BNC2: variants seen among roughly 807,000 people sequenced by gnomAD.
BNC2 encodes basonuclin zinc finger protein 2.
BNC2 carries 20 observed loss-of-function variants against 76.3 expected under a neutral mutation model. That is an observed-to-expected ratio of 0.26 (90% CI 0.18 to 0.38). The LOEUF (loss-of-function observed/expected upper bound fraction) is 0.38. BNC2 is among the 10% of genes least tolerant of loss of function. The pLI, the probability that BNC2 is intolerant of heterozygous loss-of-function variation, is 1.00. For synonymous variants in BNC2, 582 were observed against 514.8 expected (o/e 1.13, Z -1.77); for missense variants, 1,382 against 1,399.8 (o/e 0.99, Z 0.20).
At chr9:16,450,219 T>A (rs575325814) in intron 5 of BNC2, among the ~76,000 whole-genome samples, 1 of 152,336 alleles carries the variant, frequency 6.6e-6, no homozygotes, top group Non-Finnish European at 1.5e-5. Flanking sequence ...CACTGCTGCA[T>A]CACAGTGACC....
chr9:16,578,403 A>C (rs1819544201), intron 4 of BNC2, among the ~76,000 whole-genome samples: 1 of 152,184 alleles, frequency 6.6e-6, no homozygotes, highest in African/African-American at 2.4e-5. Flanking sequence ...AGCAGTCCTC[A>C]ACCTTTACAT....
intron 2 of BNC2, among the ~76,000 whole-genome samples, chr9:16,731,826 CT>C (rs1266115722): frequency 6.6e-6 from 1 of 152,146 alleles, no homozygotes; most frequent in African/African-American, 2.4e-5. Context: ...CATATATATT[CT>C]AAACCTGTGC....
intron 1 of BNC2, among the ~76,000 whole-genome samples, chr9:16,755,441 A>T (rs1472294600): frequency 1.3e-5 from 2 of 152,214 alleles, no homozygotes; most frequent in Non-Finnish European, 2.9e-5. Flanking sequence ...CAGGAAAAGT[A>T]GTCAAAAGAT....
rs777323674 is a variant in BNC2, at chr9:16,437,249, G to T, written c.945C>A (p.Ile315=). 15 of 1,614,026 alleles carry T rather than the reference G, an allele frequency of 9.3e-6. No individual in the cohort carries two copies. The Admixed American group carries it at 2.3e-4, about 25-fold the overall frequency. ...NPSSIHHFEN[I]PNSLAFLLPF... The stretch of plus-strand genomic sequence containing the variant: ...GAAGCAGAAATGCAAGGCTGTTTGG[G>T]ATGTTTTCGAAGTGATGAATGCTGG... The change falls in exon 6 of 7, where the codon ATC becomes ATA. Residue 315 remains isoleucine (I), a synonymous_variant. Transcript: ENST00000380672.
intron 3 of BNC2, among the ~76,000 whole-genome samples, chr9:16,623,161 T>A (rs556118074): frequency 6.6e-6 from 1 of 152,144 alleles, no homozygotes; most frequent in Non-Finnish European, 1.5e-5. Context: ...TTGTTGGACA[T>A]GTAAGACACA....
intron 3 of BNC2, among the ~76,000 whole-genome samples, chr9:16,596,094 C>T (rs1820062164): frequency 6.6e-6 from 1 of 152,044 alleles, no homozygotes; most frequent in African/African-American, 2.4e-5. Context: ...AGAATCACTC[C>T]ATCAGATCAA....
intron 1 of BNC2, among the ~76,000 whole-genome samples, chr9:16,777,123 T>C (rs1229516579): frequency 1.3e-5 from 2 of 151,026 alleles, no homozygotes; most frequent in African/African-American, 4.9e-5. Flanking sequence ...GAGACTCCTG[T>C]CTCAAAAAAA....
intron 3 of BNC2, among the ~76,000 whole-genome samples, chr9:16,650,367 C>T (rs1034722676): frequency 6.6e-6 from 1 of 152,140 alleles, no homozygotes; most frequent in Non-Finnish European, 1.5e-5. Flanking sequence ...TAGGGCATCA[C>T]TGATGTGTTC....
At chr9:16,850,640 T>G (rs1157419813) in intron 1 of BNC2, among the ~76,000 whole-genome samples, 1 of 152,036 alleles carries the variant, frequency 6.6e-6, no homozygotes, top group Non-Finnish European at 1.5e-5. Context: ...AAGGTGAAGG[T>G]GGAAGGATCA....
At chr9:16,633,645 T>A (rs1162329613) in intron 3 of BNC2, among the ~76,000 whole-genome samples, 1 of 152,222 alleles carries the variant, frequency 6.6e-6, no homozygotes, top group Non-Finnish European at 1.5e-5. Flanking sequence ...ATATTTTCCA[T>A]CTTCATCGTG....
At chr9:16,775,212 G>T (rs895585101) in intron 1 of BNC2, among the ~76,000 whole-genome samples, 2 of 152,116 alleles carry the variant, frequency 1.3e-5, no homozygotes, top group Non-Finnish European at 2.9e-5. Context: ...ACTGATGCAT[G>T]CTCAAGTTTA....
chr9:16,523,481 A>AC (rs1817686697), intron 5 of BNC2, among the ~76,000 whole-genome samples: 2 of 120,988 alleles, frequency 1.7e-5, no homozygotes, highest in African/African-American at 5.6e-5. Context: ...AAAACAAAAA[A>AC]AAAAAACAAA....
At chr9:16,844,719 G>T (rs908309224) in intron 1 of BNC2, among the ~76,000 whole-genome samples, 36 of 151,978 alleles carry the variant, frequency 2.4e-4, no homozygotes, top group African/African-American at 7.7e-4. Flanking sequence ...GGCTGGTCTC[G>T]GACTCCTTAC....
chr9:16,518,184 T>C (rs1275876477), intron 5 of BNC2, among the ~76,000 whole-genome samples: 1 of 152,210 alleles, frequency 6.6e-6, no homozygotes, highest in East Asian at 1.9e-4. Context: ...ATCCTAGTAC[T>C]TTGGGAGGCC....
chr9:16,442,798 A>T (rs1046061643), intron 5 of BNC2, among the ~76,000 whole-genome samples: 1 of 152,158 alleles, frequency 6.6e-6, no homozygotes, highest in Non-Finnish European at 1.5e-5. Context: ...TATGTGCTCC[A>T]GTAGTCAAAT....
rs560832164 is a variant in BNC2, at chr9:16,417,785, C to T, written c.*1204G>A. 1 of 152,774 alleles carries T rather than the reference C, an allele frequency of 6.5e-6. No individual in the cohort carries two copies. The highest frequency in any genetic ancestry group is 6.5e-5 in the Admixed American group (1 of 15,312). The allele number at this position is 152,774 out of a possible 1,614,324, so 9.5% of individuals were successfully genotyped here. ...TATCCTGCCTCTGAAGAATAAATGCCTTGGCTGTTTCACACCACATAATTT... is the reference window on the plus strand; with the variant it reads ...TATCCTGCCTCTGAAGAATAAATGCTTTGGCTGTTTCACACCACATAATTT... On this transcript the variant is annotated 3_prime_UTR_variant, in exon 7 of 7. Transcript: ENST00000380672.
At chr9:16,439,401 G>A (rs1329786074) in intron 5 of BNC2, among the ~76,000 whole-genome samples, 1 of 152,072 alleles carries the variant, frequency 6.6e-6, no homozygotes, top group Non-Finnish European at 1.5e-5. Flanking sequence ...CAGATTAGAG[G>A]GGACTAATAA....
At chr9:16,682,793 C>G (rs1822863883) in intron 3 of BNC2, among the ~76,000 whole-genome samples, 1 of 152,070 alleles carries the variant, frequency 6.6e-6, no homozygotes, top group South Asian at 2.1e-4. Flanking sequence ...TCCTGAATTC[C>G]CAACCAAGAA....
intron 3 of BNC2, among the ~76,000 whole-genome samples, chr9:16,643,924 C>A (rs1345587082): frequency 6.6e-6 from 1 of 152,112 alleles, no homozygotes; most frequent in South Asian, 2.1e-4. Flanking sequence ...ATCTTGAGTT[C>A]TCTTAACACC....
Sources: gnomAD v4.1 joint callset for allele counts (sites outside exome capture counted in the v4.1 genomes callset) on GRCh38, gnomAD v4.1.1 for gene constraint, MANE v1.5 for transcripts, NCBI Gene and HGNC (gene_info 2026-07-23, HGNC 2026-07-21) for gene names.